Variants in RBFOX1 observed in about 807,000 individuals in gnomAD.
RBFOX1 encodes RNA binding protein fox-1 homolog 1.
In RBFOX1, 8 loss-of-function variants were observed where a neutral mutation model predicts 57.7. That is an observed-to-expected ratio of 0.14 (90% CI 0.08 to 0.25). The LOEUF is 0.25. Among genes scored for constraint, RBFOX1 ranks in the 10% least tolerant of loss-of-function variants. The pLI is 1.00. For synonymous variants in RBFOX1, 326 were observed against 222.4 expected (o/e 1.47, Z -4.15); for missense variants, 611 against 548.5 (o/e 1.11, Z -1.14).
chr16:5,843,238 G>A (rs1204965211), intron 3 of RBFOX1, among the ~76,000 whole-genome samples: 2 of 152,144 alleles, frequency 1.3e-5, no homozygotes, highest in African/African-American at 2.4e-5. Context: ...TCATCGCCAA[G>A]GTACTAAGCC....
chr16:5,505,544 C>G (rs1305328558), intron 2 of RBFOX1, among the ~76,000 whole-genome samples: 1 of 152,196 alleles, frequency 6.6e-6, no homozygotes, highest in East Asian at 1.9e-4. Flanking sequence ...CCTGCAGCCC[C>G]TCTTACCCCT....
chr16:6,166,464 C>G (rs2096918117), intron 1 of RBFOX1, among the ~76,000 whole-genome samples: 1 of 152,148 alleles, frequency 6.6e-6, no homozygotes, highest in Non-Finnish European at 1.5e-5. Context: ...CTCTGACTCT[C>G]TATTTCTCTC....
At position 6,132,952 on chromosome 16, in the gene RBFOX1, G is replaced by C. The variant is rs367658381; in HGVS notation, c.-127+112960G>C. Among the ~76,000 whole-genome samples the C allele has an allele frequency of 2.2e-3, 314 of 143,974 alleles. 2 individuals are homozygous for C. Among genetic ancestry groups the C allele is most frequent in the African/African-American group, 7.8e-3 (293 of 37,600 alleles). The allele number at this position is 143,974 out of a possible 152,430, so 94.5% of individuals were successfully genotyped here. On this transcript the variant is annotated intron_variant, in intron 1 of 15. Coordinates refer to ENST00000550418, the MANE Select transcript of RBFOX1 (RefSeq NM_018723.4). ...TGCACTCCATCCTGGGCAACAGAAC[G>C]AGACTCTGTCTCAAAAAAAAAAAAA...
intron 7 of RBFOX1, among the ~76,000 whole-genome samples, chr16:7,593,177 C>T (rs1052090802): frequency 6.6e-6 from 1 of 152,114 alleles, no homozygotes; most frequent in Admixed American, 6.5e-5. Context: ...GAAATCAAAT[C>T]ACTGGGCCAC....
At chr16:7,036,953 C>T (rs1336360971) in intron 3 of RBFOX1, among the ~76,000 whole-genome samples, 1 of 152,124 alleles carries the variant, frequency 6.6e-6, no homozygotes, top group African/African-American at 2.4e-5. Context: ...ATTATTCATG[C>T]TTCCCCTTTT....
chr16:5,564,080 C>A (rs1457280366), intron 2 of RBFOX1, among the ~76,000 whole-genome samples: 2 of 152,068 alleles, frequency 1.3e-5, no homozygotes, highest in African/African-American at 2.4e-5. Flanking sequence ...GTGGTGCGAT[C>A]TCAGCTCACT....
chr16:7,305,440 T>G (rs1227677064), intron 4 of RBFOX1, among the ~76,000 whole-genome samples: 3 of 152,120 alleles, frequency 2.0e-5, no homozygotes, highest in Admixed American at 1.3e-4. Context: ...GGTTTTGTCA[T>G]GCAGATGAAA....
intron 4 of RBFOX1, among the ~76,000 whole-genome samples, chr16:7,368,315 A>T (rs1348398267): frequency 6.6e-6 from 1 of 151,418 alleles, no homozygotes; most frequent in Non-Finnish European, 1.5e-5. Context: ...TTTTCAAATT[A>T]GTGTTTGATA....
At chr16:6,896,884 G>C (rs760715540) in intron 3 of RBFOX1, among the ~76,000 whole-genome samples, 24 of 152,120 alleles carry the variant, frequency 1.6e-4, no homozygotes, top group Non-Finnish European at 2.8e-4. Flanking sequence ...AATGATTAGG[G>C]AATTTAGGTG....
intron 2 of RBFOX1, among the ~76,000 whole-genome samples, chr16:6,646,590 C>T (rs1278351154): frequency 2.0e-5 from 3 of 152,090 alleles, no homozygotes; most frequent in African/African-American, 7.2e-5. Flanking sequence ...GATATGGACT[C>T]TTCCTGGCAA....
chr16:7,306,946 C>G (rs149913958), intron 4 of RBFOX1, among the ~76,000 whole-genome samples: 11 of 152,298 alleles, frequency 7.2e-5, no homozygotes, highest in Non-Finnish European at 1.3e-4. Flanking sequence ...TATTGGATCT[C>G]TAGCTAATTT....
At chr16:5,698,752 A>G (rs1314609863) in intron 3 of RBFOX1, among the ~76,000 whole-genome samples, 5 of 152,244 alleles carry the variant, frequency 3.3e-5, no homozygotes, top group Admixed American at 3.3e-4. Context: ...CATACAACAT[A>G]AAGTCATTTG....
At chr16:7,013,322 C>G (rs570172338) in intron 3 of RBFOX1, among the ~76,000 whole-genome samples, 2 of 152,292 alleles carry the variant, frequency 1.3e-5, no homozygotes, top group African/African-American at 2.4e-5. Context: ...CAGTGTTCTG[C>G]TCATGTTATA....
At chr16:6,615,618 T>C (rs1403211253) in intron 2 of RBFOX1, among the ~76,000 whole-genome samples, 1 of 151,946 alleles carries the variant, frequency 6.6e-6, no homozygotes, top group Non-Finnish European at 1.5e-5. Flanking sequence ...ACAGGAAAAT[T>C]CCTCATTTCC....
chr16:6,420,722 A>T (rs76325688), intron 2 of RBFOX1, among the ~76,000 whole-genome samples: 2,054 of 152,318 alleles, frequency 0.013, 48 homozygotes, highest in African/African-American at 0.045. Flanking sequence ...TCACTTGTAC[A>T]ATTGACAGCC....
At chr16:6,985,890 A>C (rs2090146844) in intron 3 of RBFOX1, among the ~76,000 whole-genome samples, 1 of 142,952 alleles carries the variant, frequency 7.0e-6, no homozygotes, top group African/African-American at 2.6e-5. Context: ...CTTTTTTTGC[A>C]GGACTTCTTT....
At chr16:6,041,072 T>G (rs976642579) in intron 1 of RBFOX1, among the ~76,000 whole-genome samples, 1 of 152,170 alleles carries the variant, frequency 6.6e-6, no homozygotes, top group Non-Finnish European at 1.5e-5. Flanking sequence ...GAGAATAGTT[T>G]CCCTGCTGTA....
At chr16:5,361,896 A>G (rs1229461252) in intron 1 of RBFOX1, among the ~76,000 whole-genome samples, 1 of 152,210 alleles carries the variant, frequency 6.6e-6, no homozygotes, top group Admixed American at 6.5e-5. Flanking sequence ...CAGTGACAAA[A>G]ATCATCTTAA....
At chr16:7,173,422 T>C (rs1282760256) in intron 4 of RBFOX1, among the ~76,000 whole-genome samples, 3 of 152,194 alleles carry the variant, frequency 2.0e-5, no homozygotes, top group Admixed American at 6.5e-5. Flanking sequence ...TATATATCTG[T>C]GCATTCAGTG....
Sources: allele counts gnomAD v4.1 joint callset (sites outside exome capture counted in the v4.1 genomes callset), GRCh38; gene constraint gnomAD v4.1.1; transcripts MANE v1.5; gene names NCBI Gene and HGNC (gene_info 2026-07-23, HGNC 2026-07-21).